Variants in FCHO2 observed in about 807,000 individuals in gnomAD.
FCHO2 encodes F-BAR domain only protein 2.
In FCHO2, 43 loss-of-function variants were observed where a neutral mutation model predicts 114.1. That is an observed-to-expected ratio of 0.38 (90% confidence interval 0.30 to 0.49). The LOEUF (loss-of-function observed/expected upper bound fraction) is 0.49, where lower values mean the gene tolerates loss of function less well. Among genes scored for constraint, FCHO2 ranks in the 20% least tolerant of loss-of-function variants. The probability of loss-of-function intolerance (pLI) is 0.97; values close to 1 mark genes in which losing one functional copy is unlikely to be tolerated. For synonymous variants in FCHO2, 293 were observed against 315.2 expected (o/e 0.93, Z 0.75); for missense variants, 807 against 950.4 (o/e 0.85, Z 1.98).
chr5:72,985,755 A>G (rs1753489498), intron 2 of FCHO2, among the ~76,000 whole-genome samples: 1 of 152,054 alleles, frequency 6.6e-6, no homozygotes, highest in Admixed American at 6.6e-5. Flanking sequence ...TGGTGGGAAG[A>G]GTTTGGTTGC....
chr5:73,053,474 T>A (rs955114617), intron 13 of FCHO2, among the ~76,000 whole-genome samples: 4 of 152,110 alleles, frequency 2.6e-5, no homozygotes, highest in Non-Finnish European at 5.9e-5. Flanking sequence ...GGCGGGTGGA[T>A]CACAAGGTCA....
rs1186849649 is a variant in FCHO2, at chr5:73,088,558, T to G, written c.*468T>G. The G allele has an allele frequency of 6.1e-6, 1 of 162,652 alleles. No individual in the cohort carries two copies. The highest frequency in any genetic ancestry group is 1.4e-5 in the Non-Finnish European group (1 of 73,776). The allele number at this position is 162,652 out of a possible 1,614,324, so 10.1% of individuals were successfully genotyped here. A position where few individuals can be genotyped will look rare whatever the true frequency, so the allele number is the denominator to read the frequency against. On this transcript the variant is annotated 3_prime_UTR_variant, in exon 26 of 26. Coordinates refer to ENST00000430046, the MANE Select transcript of FCHO2 (RefSeq NM_138782.3). ...ATTCTAAGTTTTGGGTAATGTTAAC[T>G]CAGAACACTTAATCAAATTGAGCTA...
At chr5:73,018,668 A>C (rs1755446265) in intron 8 of FCHO2, among the ~76,000 whole-genome samples, 1 of 152,188 alleles carries the variant, frequency 6.6e-6, no homozygotes, top group South Asian at 2.1e-4. Context: ...ATGCAAATCA[A>C]GGAGCCTCTG....
rs531021455 is a variant in FCHO2 at position 73,059,407 on chromosome 5, A to G, written c.1345+883A>G. Among the ~76,000 whole-genome samples the G allele has an allele frequency of 8.5e-5, 13 of 152,238 alleles. 1 individual carries two copies. The South Asian group carries it at 2.5e-3, about 29-fold the overall frequency. On this transcript the variant is annotated intron_variant, in intron 17 of 25. Transcript: ENST00000430046. ...ATGAAAAAAGTAAAGCTCAGAGATA[A>G]TAAGTAACTTCTCCAAGATTATATA...
At chr5:72,996,373 A>G (rs915411340) in intron 5 of FCHO2, among the ~76,000 whole-genome samples, 2 of 152,182 alleles carry the variant, frequency 1.3e-5, no homozygotes, top group African/African-American at 2.4e-5. Flanking sequence ...TGATGGATTC[A>G]TGTTAAAAAA....
At chr5:72,994,500 G>A (rs539049150) in intron 5 of FCHO2, among the ~76,000 whole-genome samples, 1 of 152,268 alleles carries the variant, frequency 6.6e-6, no homozygotes, top group South Asian at 2.1e-4. Flanking sequence ...GCAAGGTTGT[G>A]GAGAAAAGGG....
Position 73,019,963 on chromosome 5 carries a change from A to G in FCHO2, c.796+2655A>G, listed in dbSNP as rs77574156. On this transcript the variant is annotated intron_variant, in intron 8 of 25. Transcript: ENST00000430046. Reference sequence around the variant, plus strand: ...AAGACTTGTCTCCACACCTCTCACCAAGGCCACCTTTCAAGATGAGTATCT... The same window carrying G: ...AAGACTTGTCTCCACACCTCTCACCGAGGCCACCTTTCAAGATGAGTATCT... 8.0e-3 allele frequency among the ~76,000 whole-genome samples: 1,223 copies of G among 152,294 alleles called. 37 individuals are homozygous for G. Among genetic ancestry groups the G allele is most frequent in the East Asian group, 0.074 (384 of 5,168 alleles).
At chr5:73,060,360 T>TTATA (rs1757798131) in intron 17 of FCHO2, among the ~76,000 whole-genome samples, 1 of 152,088 alleles carries the variant, frequency 6.6e-6, no homozygotes, top group African/African-American at 2.4e-5. Context: ...AGTTATCTTG[T>TTATA]TATATAGTAG....
chr5:72,957,203 T>C (rs1751599584), intron 1 of FCHO2, among the ~76,000 whole-genome samples: 1 of 151,774 alleles, frequency 6.6e-6, no homozygotes, highest in Non-Finnish European at 1.5e-5. Flanking sequence ...TTAGGTGTTT[T>C]GTTTTTTAAA....
intron 5 of FCHO2, among the ~76,000 whole-genome samples, chr5:72,999,981 TTTAA>T (rs1323503761): frequency 6.6e-6 from 1 of 152,194 alleles, no homozygotes; most frequent in Non-Finnish European, 1.5e-5. Flanking sequence ...TCCCTTTTAT[TTTAA>T]TTAATTAGTG....
chr5:73,062,005 A>C (rs531898836), intron 17 of FCHO2, among the ~76,000 whole-genome samples: 5 of 151,986 alleles, frequency 3.3e-5, no homozygotes, highest in African/African-American at 4.8e-5. Flanking sequence ...TGCTTTGTCT[A>C]TTTGCTTTAG....
chr5:72,970,900 T>C (rs1752511087), intron 2 of FCHO2, among the ~76,000 whole-genome samples: 1 of 152,142 alleles, frequency 6.6e-6, no homozygotes, highest in Non-Finnish European at 1.5e-5. Context: ...CCTTCCTGTG[T>C]CCATGTGTTC....
intron 5 of FCHO2, chr5:72,996,904 T>G (rs1166784044): frequency 6.4e-7 from 1 of 1,561,632 alleles, no homozygotes; most frequent in East Asian, 2.4e-5. Flanking sequence ...GAGCAGGCAG[T>G]GCCAGGGTCA....
intron 23 of FCHO2, among the ~76,000 whole-genome samples, 177 bp from the exon 24 acceptor site, chr5:73,082,584 T>TA (rs1415438315): frequency 1.3e-5 from 2 of 152,244 alleles, no homozygotes; most frequent in East Asian, 3.8e-4. Context: ...TTGAAAAAGA[T>TA]ACAGCATTAT....
intron 11 of FCHO2, among the ~76,000 whole-genome samples, chr5:73,048,720 G>C (rs1274822910): frequency 6.6e-6 from 1 of 152,110 alleles, no homozygotes; most frequent in Non-Finnish European, 1.5e-5. Flanking sequence ...GGGTAAAAGA[G>C]TGAATATATA....
chr5:72,987,416 C>T (rs1753588268), intron 2 of FCHO2, among the ~76,000 whole-genome samples: 1 of 152,164 alleles, frequency 6.6e-6, no homozygotes, highest in South Asian at 2.1e-4. Context: ...TGGCTCACTG[C>T]AGCCTCCGCC....
intron 2 of FCHO2, among the ~76,000 whole-genome samples, chr5:72,971,015 A>G (rs1455577778): frequency 2.0e-5 from 3 of 152,066 alleles, no homozygotes; most frequent in Non-Finnish European, 2.9e-5. Context: ...CCATGTCCCT[A>G]CAAAGGACAT....
At position 73,068,641 on chromosome 5, in the gene FCHO2, G is replaced by C. The variant is rs781696492; in HGVS notation, c.1450-9G>C. 1.6e-5 allele frequency: 25 copies of C among 1,605,514 alleles called. 1 individual carries two copies. The highest frequency in any genetic ancestry group is 3.3e-4 in the Middle Eastern group (2 of 6,026). On this transcript the variant is annotated splice_polypyrimidine_tract_variant and intron_variant, in intron 18 of 25. Transcript: ENST00000430046. ...TTAGCATTTTGATAAATAACTTTTT[G>C]TTTTTAAGCCCAGGCCATTCAGCCC...
chr5:73,018,898 G>A (rs1755459129), intron 8 of FCHO2, among the ~76,000 whole-genome samples: 2 of 152,120 alleles, frequency 1.3e-5, no homozygotes, highest in African/African-American at 2.4e-5. Context: ...GTTTTCCAAA[G>A]CAAGGAAACA....
Sources: allele counts gnomAD v4.1 joint callset (sites outside exome capture counted in the v4.1 genomes callset), GRCh38; gene constraint gnomAD v4.1.1; transcripts MANE v1.5; gene names NCBI Gene and HGNC (gene_info 2026-07-23, HGNC 2026-07-21).